PLXDC1: variants seen among roughly 807,000 people sequenced by gnomAD.
The protein encoded by PLXDC1 is plexin domain containing 1.
PLXDC1 carries 39 observed loss-of-function variants against 61.3 expected under a neutral mutation model. That is an observed-to-expected ratio of 0.64 (90% CI 0.49 to 0.83). The LOEUF (loss-of-function observed/expected upper bound fraction) is 0.83. PLXDC1 is among the 40% of genes least tolerant of loss of function. The probability of loss-of-function intolerance (pLI) is 0.00; values close to 1 mark genes in which losing one functional copy is unlikely to be tolerated. For missense variants in PLXDC1, 596 were observed against 666.5 expected (o/e 0.89, Z 1.17); for synonymous variants, 212 against 254.5 (o/e 0.83, Z 1.59).
chr17:39,087,661 G>T lies in PLXDC1; in HGVS notation c.853C>A (p.Leu285Met). Residue 285 changes from leucine to methionine, a missense_variant, in exon 8 of 14, where the codon CTG (leucine) becomes ATG (methionine). Physicochemically the swap from Leu to Met is conservative, Grantham distance 15. Coordinates refer to ENST00000315392, the MANE Select transcript of PLXDC1 (RefSeq NM_020405.5). ...RSIFEYHRIE[L>M]DPSKVTSMSA... ...ATGCTGGTGACCTTGCTGGGGTCCA[G>T]CTCTATGCGGTGATATTCAAAGATG... 1.9e-6 allele frequency: 3 copies of T among 1,614,104 alleles called. No individual in the cohort carries two copies. The highest frequency in any genetic ancestry group is 2.5e-6 in the Non-Finnish European group (3 of 1,179,998).
chr17:39,099,270 G>A (rs1045041589), intron 7 of PLXDC1, among the ~76,000 whole-genome samples: 2 of 152,078 alleles, frequency 1.3e-5, no homozygotes, highest in African/African-American at 4.8e-5. Context: ...CTCTAAAGGG[G>A]CTTCTCATTC....
At chr17:39,122,121 G>GC (rs1177005611) in intron 2 of PLXDC1, among the ~76,000 whole-genome samples, 2 of 145,712 alleles carry the variant, frequency 1.4e-5, no homozygotes, top group African/African-American at 5.1e-5. Context: ...AGGGGGGGGG[G>GC]ACTGGGTGCA....
chr17:39,132,545 G>A (rs562543529), intron 2 of PLXDC1, among the ~76,000 whole-genome samples: 91 of 152,290 alleles, frequency 6.0e-4, no homozygotes, highest in Admixed American at 1.3e-3. Context: ...AGGGTCCTCG[G>A]AGCTGCCAGC....
chr17:39,124,063 A>G (rs944073858), intron 2 of PLXDC1, among the ~76,000 whole-genome samples: 32 of 152,040 alleles, frequency 2.1e-4, no homozygotes, highest in Admixed American at 2.0e-3. Flanking sequence ...GCCAACAGAA[A>G]TGCATTCTAG....
upstream of PLXDC1, chr17:39,152,795 GA>G (rs975485728): frequency 6.6e-5 from 47 of 711,188 alleles, no homozygotes; most frequent in African/African-American, 9.5e-5. Flanking sequence ...GAAAAGAAAA[GA>G]AAAAAAAACA....
At chr17:39,114,896 C>T (rs866322304) in intron 2 of PLXDC1, among the ~76,000 whole-genome samples, 1 of 152,228 alleles carries the variant, frequency 6.6e-6, no homozygotes, top group African/African-American at 2.4e-5. Flanking sequence ...TTCCCCAAAC[C>T]TCCGGGCGTC....
chr17:39,118,078 C>CT (rs1911038456), intron 2 of PLXDC1, among the ~76,000 whole-genome samples: 1 of 107,902 alleles, frequency 9.3e-6, no homozygotes, highest in Non-Finnish European at 1.9e-5. Context: ...CCCTCCCTCC[C>CT]TCCCTCCCTT....
chr17:39,131,504 CA>C (rs1911561848), intron 2 of PLXDC1, among the ~76,000 whole-genome samples: 1 of 152,070 alleles, frequency 6.6e-6, no homozygotes, highest in East Asian at 1.9e-4. Flanking sequence ...AGGCGTGCAC[CA>C]CCATGCCCAG....
chr17:39,081,665 G>A (rs1598187437), intron 9 of PLXDC1, among the ~76,000 whole-genome samples: 1 of 151,772 alleles, frequency 6.6e-6, no homozygotes, highest in East Asian at 1.9e-4. Context: ...TTGATAGCCT[G>A]GGTGCAGTGG....
intron 2 of PLXDC1, among the ~76,000 whole-genome samples, chr17:39,123,469 C>T (rs1171235761): frequency 6.6e-6 from 1 of 152,198 alleles, no homozygotes; most frequent in Non-Finnish European, 1.5e-5. Flanking sequence ...GGATTACAGG[C>T]ATGAGCCACC....
Position 39,063,706 on chromosome 17 carries a change from G to C in PLXDC1, c.*4134C>G. ...GAATACATTGTGTTTTAGAAGGCTG[G>C]GTGCCCTCAGTCCCCAGATCTTTGA... On this transcript the variant is annotated 3_prime_UTR_variant, in exon 14 of 14. Coordinates refer to ENST00000315392, the MANE Select transcript of PLXDC1 (RefSeq NM_020405.5). 1.9e-6 allele frequency: 1 copy of C among 523,270 alleles called. No homozygotes were observed. Among genetic ancestry groups the C allele is most frequent in the Non-Finnish European group, 3.4e-6 (1 of 296,166 alleles). The allele number at this position is 523,270 out of a possible 1,614,324, so 32.4% of individuals were successfully genotyped here. A position where few individuals can be genotyped will look rare whatever the true frequency, so the allele number is the denominator to read the frequency against.
At chr17:39,140,594 C>A (rs138863585) in intron 1 of PLXDC1, among the ~76,000 whole-genome samples, 2 of 152,336 alleles carry the variant, frequency 1.3e-5, no homozygotes, top group Admixed American at 1.3e-4. Flanking sequence ...CGTGAGCCAC[C>A]GCGCCTAGCC....
intron 2 of PLXDC1, among the ~76,000 whole-genome samples, chr17:39,120,965 A>G (rs1911145951): frequency 6.6e-6 from 1 of 152,008 alleles, no homozygotes; most frequent in Non-Finnish European, 1.5e-5. Context: ...CAGGGTTGGG[A>G]TTACAGGCAT....
intron 7 of PLXDC1, among the ~76,000 whole-genome samples, chr17:39,092,019 CTG>C (rs1909974524): frequency 6.7e-6 from 1 of 149,914 alleles, no homozygotes; most frequent in Non-Finnish European, 1.5e-5. Flanking sequence ...AGTGGGGAAA[CTG>C]AGGTTCAGAC....
chr17:39,101,529 T>C (rs1370600014), intron 7 of PLXDC1, among the ~76,000 whole-genome samples: 1 of 152,160 alleles, frequency 6.6e-6, no homozygotes, highest in Admixed American at 6.5e-5. Context: ...CCCACACTTC[T>C]GTGGCAGGCT....
chr17:39,151,515 G>T lies in PLXDC1; in HGVS notation c.-78C>A. On this transcript the variant is annotated 5_prime_UTR_variant, in exon 1 of 14. Transcript: ENST00000315392. This position sits in a 1 kb window ranked among gnomAD's most constrained non-coding sequence, Gnocchi z 5.2. ...GGAGGGGGCCCTGGCTCAGGCTGCG[G>T]CCGCGCGGTCCCCGGGGCTGGCGGA... 1 of 1,225,472 alleles carries T rather than the reference G, an allele frequency of 8.2e-7. No individual in the cohort carries two copies. The highest frequency in any genetic ancestry group is 1.0e-6 in the Non-Finnish European group (1 of 983,412). 75.9% of individuals were successfully genotyped at this position (1,225,472 alleles called of 1,614,324 possible).
At chr17:39,070,172 T>C in intron 12 of PLXDC1, 156 bp from the exon 13 acceptor site, 1 of 552,702 alleles carries the variant, frequency 1.8e-6, no homozygotes, top group Non-Finnish European at 3.2e-6. Context: ...GGAGTTGGAA[T>C]CATTATGAGT....
intron 7 of PLXDC1, among the ~76,000 whole-genome samples, chr17:39,090,253 G>T (rs1042191130): frequency 1.3e-5 from 2 of 152,130 alleles, no homozygotes; most frequent in African/African-American, 4.8e-5. Context: ...TCAAGACCTT[G>T]GAATGTCATT....
chr17:39,144,187 C>T (rs1050362476), intron 1 of PLXDC1, among the ~76,000 whole-genome samples: 3 of 152,144 alleles, frequency 2.0e-5, no homozygotes, highest in African/African-American at 7.2e-5. Context: ...GGGTTGACCT[C>T]CACACCCAGT....
Sources: gnomAD v4.1 joint callset for allele counts (sites outside exome capture counted in the v4.1 genomes callset) on GRCh38, gnomAD v4.1.1 for gene constraint, Gnocchi (gnomAD v3.1) non-coding constraint, MANE v1.5 for transcripts, NCBI Gene and HGNC (gene_info 2026-07-23, HGNC 2026-07-21) for gene names.